Variants in NIN observed in about 807,000 individuals in gnomAD.
NIN encodes glycogen synthase kinase 3 beta-interacting protein.
A neutral mutation model predicts 257.6 loss-of-function variants in NIN; 137 were observed. The observed-to-expected ratio is 0.53, with a 90% CI of 0.46 to 0.61. The LOEUF is 0.61. Ranked by LOEUF, NIN falls within the 20% of genes least tolerant of loss-of-function variation. The pLI is 0.00. For synonymous variants in NIN, 918 were observed against 919.8 expected (o/e 1.00, Z 0.04); for missense variants, 2,439 against 2,501.2 (o/e 0.98, Z 0.53).
At chr14:50,773,409 T>A (rs1595838179) in intron 7 of NIN, among the ~76,000 whole-genome samples, 1 of 152,220 alleles carries the variant, frequency 6.6e-6, no homozygotes, top group African/African-American at 2.4e-5. Flanking sequence ...TTACAAATTT[T>A]AAAAAATACC....
chr14:50,767,783 C>G (rs954723735), intron 12 of NIN, among the ~76,000 whole-genome samples: 2 of 149,138 alleles, frequency 1.3e-5, no homozygotes, highest in African/African-American at 2.5e-5. Flanking sequence ...CGCCACTGCA[C>G]TCCAGCCTGG....
intron 12 of NIN, among the ~76,000 whole-genome samples, chr14:50,768,967 C>T (rs768275001): frequency 6.6e-6 from 1 of 152,056 alleles, no homozygotes; most frequent in Non-Finnish European, 1.5e-5. Flanking sequence ...GGGAAGATGA[C>T]GAGGAATTTT....
chr14:50,761,392 ACGGTCAGT>A (rs1208439295), intron 16 of NIN, among the ~76,000 whole-genome samples: 38 of 152,228 alleles, frequency 2.5e-4, no homozygotes, highest in Non-Finnish European at 2.9e-5. Context: ...ACTCATAAGA[ACGGTCAGT>A]TGAAGTCTGG....
At chr14:50,762,495 TATC>T (rs2042312142) in intron 15 of NIN, among the ~76,000 whole-genome samples, 1 of 152,172 alleles carries the variant, frequency 6.6e-6, no homozygotes. Flanking sequence ...TGGCTAAAAT[TATC>T]ATATTTTAGC....
chr14:50,793,387 TC>T (rs2043687455), intron 4 of NIN, among the ~76,000 whole-genome samples: 1 of 151,824 alleles, frequency 6.6e-6, no homozygotes, highest in South Asian at 2.1e-4. Flanking sequence ...CTCTGATCTA[TC>T]AGACAAGCAG....
At chr14:50,812,175 C>T (rs979735916) in intron 3 of NIN, among the ~76,000 whole-genome samples, 5 of 152,064 alleles carry the variant, frequency 3.3e-5, no homozygotes, top group East Asian at 1.9e-4. Flanking sequence ...AGATGAATGA[C>T]GATATTATCG....
chr14:50,726,046 T>C lies in NIN; in HGVS notation c.6099A>G (p.Val2033=). ...NTPQGNQEQL[V]TVMEERMIEV... ...CTATCATTCGTTCCTCCATGACAGT[T>C]ACCAGTTGTTCCTGGTTTCCCTGAA... The change falls in exon 30 of 31, where the codon GTA becomes GTG. Residue 2033 remains valine, a synonymous_variant. Coordinates refer to ENST00000530997, the MANE Select transcript of NIN (RefSeq NM_020921.4). The C allele has an allele frequency of 6.2e-7, 1 of 1,613,470 alleles. No individual in the cohort carries two copies. Among genetic ancestry groups the C allele is most frequent in the Non-Finnish European group, 8.5e-7 (1 of 1,179,560 alleles).
Position 50,763,833 on chromosome 14 carries a change from G to A in NIN, c.1767C>T (p.Pro589=), listed in dbSNP as rs1305071225. 9.9e-6 allele frequency: 16 copies of A among 1,613,370 alleles called. No homozygotes were observed. In the East Asian group the frequency reaches 2.2e-4, roughly 22 times the overall value. Residue 589 remains proline (P), a synonymous_variant, in exon 15 of 31, where the codon CCC becomes CCT. Coordinates refer to ENST00000530997, the MANE Select transcript of NIN (RefSeq NM_020921.4). The part of the protein sequence containing the change: ...EVEANSGGIE[P]EHGLGSEECN... ...CTGTCCGAATGTGTTTACCGTGTTC[G>A]GGCTCAATGCCACCGCTGTTAGCCT...
chr14:50,756,894 C>G lies in NIN; in HGVS notation c.4136G>C (p.Ser1379Thr), dbSNP rs780175951. 8 of 1,555,476 alleles carry G rather than the reference C, an allele frequency of 5.1e-6. No individual in the cohort carries two copies. The Admixed American group carries it at 1.6e-4, about 30-fold the overall frequency. The part of the protein sequence containing the change: ...TLEECVPRVR[S>T]VHHVIEECKQ... ...ACATTCCTCTATGACATGATGTACA[C>G]TCCTAACCCTGGGCACACACTCTTC... The change falls in exon 18 of 31, where the codon AGT becomes ACT. Residue 1379 changes from serine to threonine, a missense_variant. This residue lies in a region of NIN where 2,043 missense variants were observed against 2,050.2 expected (regional missense o/e 1.00). Coordinates refer to ENST00000530997, the MANE Select transcript of NIN (RefSeq NM_020921.4).
chr14:50,819,140 A>G (rs901796265), intron 3 of NIN, among the ~76,000 whole-genome samples: 1 of 152,244 alleles, frequency 6.6e-6, no homozygotes, highest in Non-Finnish European at 1.5e-5. Context: ...TATTTGATTT[A>G]AAAATTATAT....
chr14:50,728,926 A>AAATG (rs1336970055), intron 29 of NIN, among the ~76,000 whole-genome samples: 4 of 152,242 alleles, frequency 2.6e-5, no homozygotes, highest in African/African-American at 9.6e-5. Flanking sequence ...ATTTGTTGTG[A>AAATG]AAAGTCATCA....
intron 8 of NIN, 101 bp from the exon 9 acceptor site, chr14:50,772,569 T>G: frequency 1.4e-5 from 14 of 1,009,998 alleles, no homozygotes; most frequent in Non-Finnish European, 2.0e-5. Context: ...CATGTTTCTC[T>G]AATATACAGT....
chr14:50,757,182 A>G lies in NIN; in HGVS notation c.3848T>C (p.Leu1283Pro). Residue 1283 changes from leucine (L) to proline (P), a missense_variant, in exon 18 of 31, where the codon CTC becomes CCC. Physicochemically the swap from Leu to Pro is moderately conservative, Grantham distance 98 (BLOSUM62 -3). Coordinates refer to ENST00000530997, the MANE Select transcript of NIN (RefSeq NM_020921.4). ...CTGCAACCTGAAAACCTCTGCAGTGAGTTCTTTGTTATTTTCTAGTGCCTC... is the reference window on the plus strand; with the variant it reads ...CTGCAACCTGAAAACCTCTGCAGTGGGTTCTTTGTTATTTTCTAGTGCCTC... ...YDEALENNKE[L>P]TAEVFRLQDE... The G allele has an allele frequency of 6.2e-7, 1 of 1,613,236 alleles. No homozygotes were observed. The highest frequency in any genetic ancestry group is 8.5e-7 in the Non-Finnish European group (1 of 1,179,790).
intron 25 of NIN, among the ~76,000 whole-genome samples, chr14:50,741,265 A>G (rs769782084): frequency 3.3e-5 from 5 of 152,162 alleles, no homozygotes; most frequent in Admixed American, 6.5e-5. Flanking sequence ...GACTTGCTCA[A>G]TACAAAAAAA....
In NIN at chr14:50,827,756, C is replaced by CAAAA. The variant is rs370926505; in HGVS notation, c.-22+2704_-22+2707dup. On this transcript the variant is annotated intron_variant, in intron 2 of 30. Coordinates refer to ENST00000530997, the MANE Select transcript of NIN (RefSeq NM_020921.4). Reference sequence around the variant, plus strand: ...CAGGAGAGAGCGAGAGACTCCGTATCAAAAAAAAAAAAAAAAAGAAAGAAA... The same window carrying CAAAA: ...CAGGAGAGAGCGAGAGACTCCGTATCAAAAAAAAAAAAAAAAAAAAAGAAAGAAA... 1.4e-4 allele frequency among the ~76,000 whole-genome samples: 15 copies of CAAAA among 107,078 alleles called. 1 individual carries two copies. The highest frequency in any genetic ancestry group is 5.1e-4 in the African/African-American group (13 of 25,412). 70.2% of individuals were successfully genotyped at this position (107,078 alleles called of 152,430 possible). A position where few individuals can be genotyped will look rare whatever the true frequency, so the allele number is the denominator to read the frequency against.
In NIN at chr14:50,743,408, C is replaced by T; in HGVS notation, c.5301+8G>A. 6.5e-7 allele frequency: 1 copy of T among 1,536,530 alleles called. No individual in the cohort carries two copies. Among genetic ancestry groups the T allele is most frequent in the Non-Finnish European group, 9.0e-7 (1 of 1,109,232 alleles). ...ACCGTGAAGATGAAACAAGAATTGT[C>T]CATGTACCTTTTCCTGAGAAGCCAC... is the stretch of plus-strand genomic sequence containing the variant. On this transcript the variant is annotated splice_region_variant and intron_variant, in intron 24 of 30. Coordinates refer to ENST00000530997, the MANE Select transcript of NIN (RefSeq NM_020921.4).
rs1345064739 is a variant in NIN, at chr14:50,735,628, AAAAC to A, written c.5776-15_5776-12del. The A allele has an allele frequency of 3.7e-6, 6 of 1,603,660 alleles. No individual in the cohort carries two copies. In the African/African-American group the frequency reaches 8.0e-5, roughly 21 times the overall value. On this transcript the variant is annotated splice_polypyrimidine_tract_variant and intron_variant, in intron 27 of 30. Coordinates refer to ENST00000530997, the MANE Select transcript of NIN (RefSeq NM_020921.4). ...ATTCATCTGACTGACCTGTTTAAAAAAAACAAAATATTCCCTTGAAACAGAAACA... is the reference window on the plus strand; with the variant it reads ...ATTCATCTGACTGACCTGTTTAAAAAAAAATATTCCCTTGAAACAGAAACA...
rs765552945 is a variant in NIN, at chr14:50,758,076, G to C, written c.2954C>G (p.Ser985Cys). ...AATGTTCTCCATGGCTAGAAGCTTG[G>C]ACATCATTTCCTGCCTTTCCTGGTC... is the stretch of plus-strand genomic sequence containing the variant. Reference protein sequence around the residue: ...EHDQERQEMMSKLLAMENIHK... With the variant: ...EHDQERQEMMCKLLAMENIHK... The change falls in exon 18 of 31, where the codon TCC becomes TGC. Residue 985 changes from serine to cysteine, a missense_variant. By Grantham distance (112) the Ser-to-Cys change is moderately radical (BLOSUM62 -1). Around this residue, in one of 3 missense-constraint regions of NIN, gnomAD observed 2,043 missense variants for 2,050.2 expected, o/e 1.00. Transcript: ENST00000530997. 14 of 1,614,040 alleles carry C rather than the reference G, an allele frequency of 8.7e-6. No individual in the cohort carries two copies. Among genetic ancestry groups the C allele is most frequent in the Non-Finnish European group, 1.2e-5 (14 of 1,180,032 alleles).
chr14:50,766,546 G>C (rs559022172), intron 13 of NIN, 150 bp from the exon 14 acceptor site: 16 of 722,016 alleles, frequency 2.2e-5, no homozygotes, highest in Non-Finnish European at 3.7e-5. Context: ...CTGGGTGATG[G>C]GGAGAACGCA....
Sources: gnomAD v4.1 joint callset for allele counts (sites outside exome capture counted in the v4.1 genomes callset) on GRCh38, gnomAD v4.1.1 for gene constraint, gnomAD v4.1.1 regional missense constraint, MANE v1.5 for transcripts, NCBI Gene and HGNC (gene_info 2026-07-23, HGNC 2026-07-21) for gene names.